AGBL3: variants seen among roughly 807,000 people sequenced by gnomAD.
AGBL3 encodes the protein cytosolic carboxypeptidase 3.
Under a neutral mutation model 94.5 loss-of-function variants are expected in AGBL3, and 68 were observed. That is an observed-to-expected ratio of 0.72 (90% confidence interval 0.59 to 0.88). The LOEUF is 0.88. Ranked by LOEUF, AGBL3 falls within the 40% of genes least tolerant of loss-of-function variation. The probability of loss-of-function intolerance (pLI) is 0.00; values close to 1 mark genes in which losing one functional copy is unlikely to be tolerated. For missense variants in AGBL3, 934 were observed against 1,103.8 expected, an observed-to-expected ratio of 0.85 and a Z score of 2.18; for synonymous variants, 354 against 370.7, an observed-to-expected ratio of 0.95 and a Z score of 0.52.
chr7:135,024,056 T>G (rs1301168878), intron 5 of AGBL3, among the ~76,000 whole-genome samples: 1 of 151,732 alleles, frequency 6.6e-6, no homozygotes, highest in Non-Finnish European at 1.5e-5. Context: ...TTGAGAGAGG[T>G]GAGACATGCA....
rs1197187889 is a variant in AGBL3 at position 135,034,637 on chromosome 7, C to A, written c.1046C>A (p.Ser349Tyr). The change falls in exon 7 of 17, where the codon TCT becomes TAT. Residue 349 changes from serine (S) to tyrosine (Y), a missense_variant. By Grantham distance (144) the Ser-to-Tyr change is moderately radical. Around this residue, in one of 3 missense-constraint regions of AGBL3, gnomAD observed 488 missense variants for 563.6 expected, o/e 0.87. Transcript: ENST00000436302. ...ILTITTPLKN[S>Y]DSRKRKAVIL... is the part of the protein sequence containing the mutation. ...ACAATCACTACCCCCTTGAAGAACT[C>A]TGACTCAAGAAAGCGGAAGGCTGTG... 1.3e-6 allele frequency: 2 copies of A among 1,551,684 alleles called. No homozygotes were observed. Among genetic ancestry groups the A allele is most frequent in the South Asian group, 2.4e-5 (2 of 84,064 alleles).
chr7:135,017,094 G>A lies in AGBL3; in HGVS notation c.353G>A (p.Gly118Asp), dbSNP rs961470691. Residue 118 changes from glycine (G) to aspartate (D), a missense_variant, in exon 5 of 17, where the codon GGC (glycine) becomes GAC (aspartate). Around this residue, in one of 3 missense-constraint regions of AGBL3, gnomAD observed 488 missense variants for 563.6 expected, o/e 0.87. Transcript: ENST00000436302. ...CCTGAGCCAGTGTATATCCCAACGG[G>A]CTTAGAAACGGAACCCCTTTATCCA... ...SCPEPVYIPT[G>D]LETEPLYPDS... The A allele has an allele frequency of 1.8e-5, 28 of 1,551,050 alleles. No individual in the cohort carries two copies. The highest frequency in any genetic ancestry group is 2.4e-5 in the Non-Finnish European group (28 of 1,146,262).
At chr7:135,025,869 CA>C (rs1285249034) in intron 5 of AGBL3, among the ~76,000 whole-genome samples, 1 of 151,194 alleles carries the variant, frequency 6.6e-6, no homozygotes, top group South Asian at 2.2e-4. Flanking sequence ...TTCAATTAAA[CA>C]AGAAGTCTTA....
intron 9 of AGBL3, among the ~76,000 whole-genome samples, chr7:135,045,102 CA>C (rs1369947151): frequency 1.3e-5 from 2 of 151,998 alleles, no homozygotes; most frequent in Non-Finnish European, 2.9e-5. Flanking sequence ...TTTTCTTAAT[CA>C]AAGCACTTTG....
chr7:135,107,139 AT>A (rs1824847880), intron 15 of AGBL3, among the ~76,000 whole-genome samples: 1 of 123,682 alleles, frequency 8.1e-6, no homozygotes. Context: ...TATCTATATT[AT>A]TGATTTTTTT....
chr7:135,127,131 CT>C (rs1827988074), intron 16 of AGBL3, among the ~76,000 whole-genome samples: 1 of 152,126 alleles, frequency 6.6e-6, no homozygotes, highest in African/African-American at 2.4e-5. Context: ...TGACAAAGGT[CT>C]AATATCCAGA....
At chr7:134,991,123 T>C (rs1414161933) in intron 3 of AGBL3, among the ~76,000 whole-genome samples, 2 of 150,516 alleles carry the variant, frequency 1.3e-5, no homozygotes, top group African/African-American at 4.9e-5. Context: ...TTAGTTCTCT[T>C]AAGTTTTCCT....
At chr7:134,997,055 G>A (rs578147714) in intron 4 of AGBL3, among the ~76,000 whole-genome samples, 6 of 152,260 alleles carry the variant, frequency 3.9e-5, no homozygotes, top group African/African-American at 1.2e-4. Flanking sequence ...GACCAGTTTC[G>A]GGGAAGATAA....
chr7:135,048,749 A>G (rs1817603631), intron 11 of AGBL3, among the ~76,000 whole-genome samples: 2 of 115,364 alleles, frequency 1.7e-5, no homozygotes, highest in African/African-American at 6.0e-5. Flanking sequence ...TAGTTCTCAC[A>G]GTTGTTTTTT....
chr7:135,115,273 A>G, intron 15 of AGBL3, 107 bp from the exon 16 acceptor site: 1 of 675,152 alleles, frequency 1.5e-6, no homozygotes, highest in South Asian at 2.2e-5. Flanking sequence ...TACAAGCTTC[A>G]GATGGGCAAG....
chr7:135,090,265 C>A (rs1218819584), intron 15 of AGBL3, among the ~76,000 whole-genome samples: 1 of 152,136 alleles, frequency 6.6e-6, no homozygotes, highest in African/African-American at 2.4e-5. Context: ...TGGTGAACTA[C>A]AGCTGTCATC....
chr7:135,042,942 A>C lies in AGBL3; in HGVS notation c.1501-1083A>C, dbSNP rs375784587. Among the ~76,000 whole-genome samples the C allele has an allele frequency of 7.9e-5, 12 of 152,282 alleles. No homozygotes were observed. The South Asian group carries it at 1.2e-3, about 16-fold the overall frequency. On this transcript the variant is annotated intron_variant, in intron 8 of 16. Transcript: ENST00000436302. ...CAAAAACAAAAAGATGCATAGAATG[A>C]AACACAAAAAGTCAATTTTATCGTA...
intron 5 of AGBL3, among the ~76,000 whole-genome samples, chr7:135,029,142 G>T (rs1194088599): frequency 6.6e-6 from 1 of 152,158 alleles, no homozygotes; most frequent in East Asian, 1.9e-4. Context: ...TTTCAGAATG[G>T]TAAATGAGCA....
At chr7:135,068,228 G>C (rs537892804) in intron 12 of AGBL3, among the ~76,000 whole-genome samples, 1 of 152,282 alleles carries the variant, frequency 6.6e-6, no homozygotes, top group South Asian at 2.1e-4. Flanking sequence ...AGAAATATGG[G>C]ACTATGTGAA....
Position 135,135,118 on chromosome 7 carries a change from A to T in AGBL3, c.2620A>T (p.Lys874Ter). ...SSFGMDANVL[K>*]YKSLQAEETN... ...CTTTGGAATGGATGCAAATGTTCTA[A>T]AATATAAGAGTCTTCAAGCTGAAGA... Residue 874 changes from lysine (K) to a stop codon, truncating the protein, a stop_gained, in exon 17 of 17, where the codon AAA (lysine) becomes TAA (stop). Transcript: ENST00000436302. LOFTEE classifies it low-confidence loss of function (END_TRUNC). The T allele has an allele frequency of 6.4e-7, 1 of 1,551,132 alleles. No individual in the cohort carries two copies. Among genetic ancestry groups the T allele is most frequent in the Non-Finnish European group, 8.7e-7 (1 of 1,146,624 alleles).
chr7:135,081,698 G>A (rs1385926680), intron 14 of AGBL3, 21 bp from the exon 15 acceptor site: 5 of 1,476,606 alleles, frequency 3.4e-6, no homozygotes, highest in Non-Finnish European at 4.6e-6. Context: ...ATGCTACTAT[G>A]ATCTTTATCA....
At chr7:135,005,701 C>CA (rs1812299287) in intron 4 of AGBL3, among the ~76,000 whole-genome samples, 1 of 151,820 alleles carries the variant, frequency 6.6e-6, no homozygotes, top group Non-Finnish European at 1.5e-5. Flanking sequence ...CCTCTTACCT[C>CA]AAGCTTTTAT....
At chr7:135,062,473 T>C (rs1414746636) in intron 12 of AGBL3, among the ~76,000 whole-genome samples, 1 of 152,168 alleles carries the variant, frequency 6.6e-6, no homozygotes, top group Non-Finnish European at 1.5e-5. Flanking sequence ...GTTTTCACCA[T>C]GGGGTATGAT....
chr7:134,995,779 T>C (rs1295433020), intron 4 of AGBL3, among the ~76,000 whole-genome samples: 1 of 152,214 alleles, frequency 6.6e-6, no homozygotes, highest in Non-Finnish European at 1.5e-5. Context: ...GTGCAAGGTA[T>C]AGTCATGCTG....
Sources: allele counts gnomAD v4.1 joint callset (sites outside exome capture counted in the v4.1 genomes callset), GRCh38; gene constraint gnomAD v4.1.1; regional missense constraint gnomAD v4.1.1; transcripts MANE v1.5; gene names NCBI Gene and HGNC (gene_info 2026-07-23, HGNC 2026-07-21).